The following SLC38A12 variants were observed in gnomAD, a reference collection of about 807,000 sequenced individuals.
SLC38A12 encodes solute carrier family 38 member 12, also known as putative sodium-coupled neutral amino acid transporter 12.
At chr17:74,832,973 G>C in the SLC38A12 span, among the ~76,000 whole-genome samples, 1 of 152,170 alleles carries the variant, frequency 6.6e-6, no homozygotes, top group Non-Finnish European at 1.5e-5. Context: ...ACTAATTATG[G>C]CTAGAAGATC....
chr17:74,805,828 G>A, the SLC38A12 span, among the ~76,000 whole-genome samples: 9 of 152,282 alleles, frequency 5.9e-5, no homozygotes, highest in South Asian at 4.2e-4. The surrounding 1 kb of genome is among the most constrained non-coding windows in gnomAD (Gnocchi z 5.0). Flanking sequence ...GGAAGATGCC[G>A]AGAGCATCTC....
the SLC38A12 span, chr17:74,837,753 A>G: frequency 2.0e-6 from 2 of 985,880 alleles, no homozygotes; most frequent in East Asian, 1.1e-4. Flanking sequence ...CCACTCAGCC[A>G]TGCACGCACT....
At chr17:74,795,054 A>G in the SLC38A12 span, 1 of 1,613,960 alleles carries the variant, frequency 6.2e-7, no homozygotes, top group Non-Finnish European at 8.5e-7. Context: ...GTTTACCTGT[A>G]TGGAGACCTC....
At chr17:74,837,669 C>A in the SLC38A12 span, 2 of 985,690 alleles carry the variant, frequency 2.0e-6, no homozygotes, top group Non-Finnish European at 2.4e-6. Flanking sequence ...ACGCTATATC[C>A]CTTGGGCAAT....
chr17:74,802,219 C>T, the SLC38A12 span, among the ~76,000 whole-genome samples: 20 of 152,260 alleles, frequency 1.3e-4, no homozygotes, highest in South Asian at 3.7e-3. Context: ...GACGTGGGTT[C>T]GGTTGACTGG....
chr17:74,801,194 C>T, the SLC38A12 span, among the ~76,000 whole-genome samples: 1 of 152,228 alleles, frequency 6.6e-6, no homozygotes, highest in Non-Finnish European at 1.5e-5. Context: ...CCTCCCAACG[C>T]ACCTCTTGTC....
the SLC38A12 span, among the ~76,000 whole-genome samples, chr17:74,795,851 A>G: frequency 2.6e-5 from 4 of 152,314 alleles, no homozygotes; most frequent in East Asian, 5.8e-4. Flanking sequence ...CTCAAAGTCA[A>G]GCGTGGTTTG....
At chr17:74,785,466 C>G in the SLC38A12 span, 1 of 1,605,988 alleles carries the variant, frequency 6.2e-7, no homozygotes. Context: ...TTGAATGTTG[C>G]CTCTGTCGGT....
the SLC38A12 span, among the ~76,000 whole-genome samples, chr17:74,825,743 G>A: frequency 1.3e-5 from 2 of 152,178 alleles, no homozygotes; most frequent in African/African-American, 2.4e-5. Context: ...CAGATCACTC[G>A]TGGTTGTGGG....
chr17:74,788,930 G>A, the SLC38A12 span: 32 of 1,487,538 alleles, frequency 2.2e-5, no homozygotes, highest in African/African-American at 2.8e-5. Flanking sequence ...CCCAGCAGGC[G>A]GTCTCAGCAG....
At chr17:74,820,172 C>T in the SLC38A12 span, among the ~76,000 whole-genome samples, 2 of 152,226 alleles carry the variant, frequency 1.3e-5, no homozygotes, top group South Asian at 4.1e-4. Flanking sequence ...GCCCACTGAC[C>T]CAGAGGCTGG....
the SLC38A12 span, chr17:74,795,183 C>G: frequency 7.7e-7 from 1 of 1,292,748 alleles, no homozygotes; most frequent in Non-Finnish European, 1.1e-6. Flanking sequence ...GCAGAGTGTC[C>G]AGGGGAGAAG....
At chr17:74,835,885 G>T in the SLC38A12 span, 1 of 1,560,334 alleles carries the variant, frequency 6.4e-7, no homozygotes, top group Non-Finnish European at 8.7e-7. Flanking sequence ...AGGTAGGGCC[G>T]TGCCTGTCCC....
the SLC38A12 span, chr17:74,836,561 T>C: frequency 6.2e-7 from 1 of 1,613,348 alleles, no homozygotes; most frequent in Non-Finnish European, 8.5e-7. The surrounding 1 kb of genome is among the most constrained non-coding windows in gnomAD (Gnocchi z 4.2). Flanking sequence ...CCTTTGGCTG[T>C]GGGGTCAGCA....
the SLC38A12 span, among the ~76,000 whole-genome samples, chr17:74,822,166 A>G: frequency 6.6e-6 from 1 of 152,232 alleles, no homozygotes; most frequent in African/African-American, 2.4e-5. Flanking sequence ...GCAGGAGACC[A>G]GCTGTATCCC....
chr17:74,795,893 G>A, the SLC38A12 span, among the ~76,000 whole-genome samples: 1 of 152,190 alleles, frequency 6.6e-6, no homozygotes, highest in African/African-American at 2.4e-5. Context: ...CCAGATTCAG[G>A]ACCGTGACTG....
the SLC38A12 span, chr17:74,836,249 C>T: frequency 8.1e-6 from 13 of 1,611,314 alleles, no homozygotes; most frequent in Admixed American, 5.0e-5. This position sits in a 1 kb window ranked among gnomAD's most constrained non-coding sequence, Gnocchi z 4.2. Flanking sequence ...TGGGCCTGGC[C>T]GCTGTGCGCT....
At chr17:74,821,054 A>G in the SLC38A12 span, among the ~76,000 whole-genome samples, 1 of 152,198 alleles carries the variant, frequency 6.6e-6, no homozygotes, top group Admixed American at 6.5e-5. Flanking sequence ...TGTACAGCAC[A>G]GGGGACAGGG....
the SLC38A12 span, chr17:74,838,343 G>A: frequency 5.0e-6 from 5 of 995,152 alleles, no homozygotes; most frequent in Middle Eastern, 5.1e-4. Flanking sequence ...CAGTGGTCAG[G>A]CCAAGAGCAA....
Sources: allele counts gnomAD v4.1 joint callset (sites outside exome capture counted in the v4.1 genomes callset), GRCh38; gene constraint gnomAD v4.1.1; non-coding constraint Gnocchi (gnomAD v3.1); transcripts MANE v1.5; gene names NCBI Gene and HGNC (gene_info 2026-07-23, HGNC 2026-07-21).